The following SMIM35 variants were observed in gnomAD, a reference collection of about 807,000 sequenced individuals.
The protein encoded by SMIM35 is small integral membrane protein 35.
At chr11:118,062,538 G>A (rs571260994) in intron 1 of SMIM35, among the ~76,000 whole-genome samples, 1 of 152,300 alleles carries the variant, frequency 6.6e-6, no homozygotes, top group Non-Finnish European at 1.5e-5. Context: ...ATGGAGACAG[G>A]TGGTTCACTT....
chr11:118,041,822 C>T (rs759421053), intron 1 of SMIM35, among the ~76,000 whole-genome samples: 51 of 151,884 alleles, frequency 3.4e-4, no homozygotes, highest in Non-Finnish European at 2.6e-4. Flanking sequence ...AGGCCGAAGT[C>T]GGTGGATCAC....
intron 2 of SMIM35, among the ~76,000 whole-genome samples, chr11:118,015,224 G>A (rs2135021093): frequency 6.6e-6 from 1 of 152,336 alleles, no homozygotes; most frequent in East Asian, 1.9e-4. Context: ...CCAGATACCA[G>A]TGAAAAGTGC....
chr11:118,015,567 C>G (rs954584190), intron 2 of SMIM35, 126 bp downstream of exon 2: 1 of 396,320 alleles, frequency 2.5e-6, no homozygotes, highest in Non-Finnish European at 4.4e-6. Flanking sequence ...ACCACTGCAA[C>G]CACCACAGGA....
intron 1 of SMIM35, chr11:118,029,952 G>A (rs2058304771): frequency 2.8e-6 from 1 of 360,258 alleles, no homozygotes; most frequent in African/African-American, 2.1e-5. Flanking sequence ...CTGGTAAAAT[G>A]ATTGTTGTGG....
chr11:118,055,298 G>A (rs975492011), intron 1 of SMIM35, among the ~76,000 whole-genome samples: 24 of 152,030 alleles, frequency 1.6e-4, no homozygotes, highest in African/African-American at 2.7e-4. Flanking sequence ...CAAGATATGC[G>A]GATTTTCTGC....
At chr11:118,074,324 A>G (rs1430556268) in intron 1 of SMIM35, among the ~76,000 whole-genome samples, 1 of 152,120 alleles carries the variant, frequency 6.6e-6, no homozygotes, top group African/African-American at 2.4e-5. Flanking sequence ...AAAGAGGAAG[A>G]GATAAAAGAG....
intron 1 of SMIM35, among the ~76,000 whole-genome samples, chr11:118,049,865 C>T (rs555540995): frequency 3.9e-5 from 6 of 152,074 alleles, no homozygotes; most frequent in Non-Finnish European, 7.4e-5. Flanking sequence ...ATGTGTCCGC[C>T]GTGCAAACTG....
intron 1 of SMIM35, among the ~76,000 whole-genome samples, chr11:118,017,210 C>T (rs576524251): frequency 6.6e-6 from 1 of 152,288 alleles, no homozygotes; most frequent in Non-Finnish European, 1.5e-5. Context: ...ACAAAGATGC[C>T]GATGGGTCCC....
chr11:118,042,849 A>G (rs1944027914), intron 1 of SMIM35, among the ~76,000 whole-genome samples: 1 of 152,382 alleles, frequency 6.6e-6, no homozygotes, highest in South Asian at 2.1e-4. Flanking sequence ...TTAGTTCAGC[A>G]TCTGAAAATC....
In SMIM35 at chr11:118,045,330, G is replaced by GCACACACACACACACACACACA. The variant is rs34102097; in HGVS notation, c.8-29543_8-29522dup. Among the ~76,000 whole-genome samples, 373 of 146,112 alleles carry GCACACACACACACACACACACA rather than the reference G, an allele frequency of 2.6e-3. 3 individuals carry two copies. The highest frequency in any genetic ancestry group is 0.012 in the East Asian group (58 of 4,946). On this transcript the variant is annotated intron_variant, in intron 1 of 4. Coordinates refer to ENST00000689828, the MANE Select transcript of SMIM35 (RefSeq NM_001394165.1). ...AATTCTAGTTATGGTATACACACAT[G>GCACACACACACACACACACACA]CACACACACACACACACACACACAC... is the stretch of plus-strand genomic sequence containing the variant.
intron 4 of SMIM35, among the ~76,000 whole-genome samples, chr11:118,011,209 G>C (rs1039769021): frequency 1.1e-4 from 16 of 152,274 alleles, no homozygotes; most frequent in Admixed American, 9.2e-4. Context: ...TCCCAGCCCC[G>C]GGCAGCTGTC....
At chr11:118,039,131 G>A (rs1943960038) in intron 1 of SMIM35, among the ~76,000 whole-genome samples, 1 of 152,148 alleles carries the variant, frequency 6.6e-6, no homozygotes, top group African/African-American at 2.4e-5. Flanking sequence ...AACAACTCTG[G>A]CTGCCATGTG....
chr11:118,070,826 C>T lies in SMIM35; in HGVS notation c.7+15925G>A, dbSNP rs550125288. On this transcript the variant is annotated intron_variant, in intron 1 of 4. Coordinates refer to ENST00000689828, the MANE Select transcript of SMIM35 (RefSeq NM_001394165.1). Reference sequence around the variant, plus strand: ...TGGTGCTACAGGAACCTGAGTCCTTCCCAGAGGTCCCCAGTGGGCTGCAGA... The same window carrying T: ...TGGTGCTACAGGAACCTGAGTCCTTTCCAGAGGTCCCCAGTGGGCTGCAGA... 1.9e-4 allele frequency among the ~76,000 whole-genome samples: 29 copies of T among 152,300 alleles called. No homozygotes were observed. In the South Asian group the frequency reaches 5.0e-3, roughly 26 times the overall value.
chr11:118,017,047 G>C (rs1308187914), intron 1 of SMIM35, among the ~76,000 whole-genome samples: 2 of 152,122 alleles, frequency 1.3e-5, no homozygotes, highest in African/African-American at 2.4e-5. Context: ...TCTCCCTTCA[G>C]TTTTAAGTTA....
intron 1 of SMIM35, among the ~76,000 whole-genome samples, chr11:118,082,353 A>T (rs1299098773): frequency 6.6e-6 from 1 of 152,022 alleles, no homozygotes; most frequent in Non-Finnish European, 1.5e-5. Flanking sequence ...CTGAGGTCAG[A>T]AGTTCAAGAC....
At chr11:118,023,010 A>C (rs2058244960) in intron 1 of SMIM35, among the ~76,000 whole-genome samples, 1 of 151,446 alleles carries the variant, frequency 6.6e-6, no homozygotes, top group South Asian at 2.1e-4. Flanking sequence ...AAGACCCAAA[A>C]AGGTCAAACT....
intron 1 of SMIM35, among the ~76,000 whole-genome samples, chr11:118,025,204 G>C (rs943445031): frequency 6.6e-6 from 1 of 152,134 alleles, no homozygotes; most frequent in Non-Finnish European, 1.5e-5. Context: ...AGTCTTTGCT[G>C]TTGTGAATAG....
intron 1 of SMIM35, among the ~76,000 whole-genome samples, chr11:118,035,814 G>A (rs1259769442): frequency 1.3e-5 from 2 of 152,340 alleles, no homozygotes; most frequent in East Asian, 3.9e-4. Flanking sequence ...GGTGGTCAGT[G>A]CTTTATGCCA....
intron 1 of SMIM35, chr11:118,025,896 G>C (rs770019343): frequency 2.6e-6 from 1 of 377,478 alleles, no homozygotes; most frequent in South Asian, 2.1e-5. Flanking sequence ...GTATTTTCTA[G>C]CTTTTCTTCT....
Sources: allele counts gnomAD v4.1 joint callset (sites outside exome capture counted in the v4.1 genomes callset), GRCh38; gene constraint gnomAD v4.1.1; transcripts MANE v1.5; gene names NCBI Gene and HGNC (gene_info 2026-07-23, HGNC 2026-07-21).